ADCY3: variants seen among roughly 807,000 people sequenced by gnomAD.
The protein encoded by ADCY3 is adenylate cyclase type 3.
Under a neutral mutation model 119.4 loss-of-function variants are expected in ADCY3, and 70 were observed. That is an observed-to-expected ratio of 0.59 (90% CI 0.48 to 0.72). The LOEUF (loss-of-function observed/expected upper bound fraction) is 0.72, where lower values mean the gene tolerates loss of function less well. ADCY3 is among the 30% of genes least tolerant of loss of function. ADCY3 has a pLI of 0.00. For synonymous variants in ADCY3, 672 were observed against 621.4 expected (o/e 1.08, Z -1.21); for missense variants, 1,238 against 1,541.6 (o/e 0.80, Z 3.30).
chr2:24,828,138 C>T lies in ADCY3; in HGVS notation c.2196G>A (p.Thr732=), dbSNP rs200197892. The change falls in exon 14 of 22, where the codon ACG becomes ACA. Residue 732 remains threonine, a synonymous_variant. Transcript: ENST00000679454. ...VDMLSCLQYY[T]GPSNATAGME... ...TCCCTGCCGTTGCATTGCTGGGTCC[C>T]GTGTAGTACTGGAGACAGCTGAGCT... 144 of 1,613,960 alleles carry T rather than the reference C, an allele frequency of 8.9e-5. 1 individual carries two copies. The highest frequency in any genetic ancestry group is 7.1e-4 in the South Asian group (65 of 91,050).
intron 2 of ADCY3, among the ~76,000 whole-genome samples, chr2:24,908,610 C>T (rs888446316): frequency 6.7e-5 from 7 of 105,084 alleles, no homozygotes; most frequent in African/African-American, 4.5e-4. Flanking sequence ...TAAAGCGCCT[C>T]TATATAATTA....
chr2:24,832,551 C>T (rs887529558), intron 11 of ADCY3, among the ~76,000 whole-genome samples: 2 of 152,264 alleles, frequency 1.3e-5, no homozygotes. Flanking sequence ...TGGAAGGTGT[C>T]CTTGCCAAGA....
intron 9 of ADCY3, among the ~76,000 whole-genome samples, chr2:24,835,814 T>C (rs1449655009): frequency 6.6e-6 from 1 of 151,600 alleles, no homozygotes; most frequent in Non-Finnish European, 1.5e-5. Context: ...TACACGCCTG[T>C]AATCACAGCT....
rs182324814 is a variant in ADCY3, at chr2:24,831,904, C to G, written c.1968-155G>C. Among the ~76,000 whole-genome samples the G allele has an allele frequency of 1.5e-3, 93 of 62,606 alleles. 1 individual carries two copies. The highest frequency in any genetic ancestry group is 2.0e-3 in the Non-Finnish European group (65 of 32,592). The allele number at this position is 62,606 out of a possible 152,430, so 41.1% of individuals were successfully genotyped here. On this transcript the variant is annotated intron_variant, in intron 11 of 21. Coordinates refer to ENST00000679454, the MANE Select transcript of ADCY3 (RefSeq NM_004036.5). ...ACAGGGGCCAGGGGGCAGGGGACAG[C>G]GGACAGGGGCCAGGGGACAGCGGAC...
chr2:24,837,672 A>G lies in ADCY3; in HGVS notation c.1534-627T>C, dbSNP rs2148536981. Among the ~76,000 whole-genome samples the G allele has an allele frequency of 1.3e-5, 2 of 152,318 alleles. 1 individual carries two copies. Among genetic ancestry groups the G allele is most frequent in the South Asian group, 4.1e-4 (2 of 4,830 alleles). On this transcript the variant is annotated intron_variant, in intron 8 of 21. Coordinates refer to ENST00000679454, the MANE Select transcript of ADCY3 (RefSeq NM_004036.5). Reference sequence around the variant, plus strand: ...GAAAGGGTTTTGACATGAGATTACAAAAAATAAGACAACCTCCAGATTCAG... The same window carrying G: ...GAAAGGGTTTTGACATGAGATTACAGAAAATAAGACAACCTCCAGATTCAG...
intron 13 of ADCY3, 119 bp from the exon 14 acceptor site, chr2:24,828,280 A>T: frequency 8.0e-7 from 1 of 1,245,830 alleles, no homozygotes; most frequent in Non-Finnish European, 1.1e-6. Context: ...CCCCAGAAAT[A>T]CCGGGAAAGA....
In ADCY3 at chr2:24,918,733, T is replaced by C; in HGVS notation, c.255A>G (p.Ala85=). 6.2e-7 allele frequency: 1 copy of C among 1,614,036 alleles called. No homozygotes were observed. The highest frequency in any genetic ancestry group is 8.5e-7 in the Non-Finnish European group (1 of 1,180,018). Residue 85 remains alanine, a synonymous_variant, in exon 2 of 22, where the codon GCA becomes GCG. Coordinates refer to ENST00000679454, the MANE Select transcript of ADCY3 (RefSeq NM_004036.5). This position sits in a 1 kb window ranked among gnomAD's most constrained non-coding sequence, Gnocchi z 5.4. ...CCACCACGTAGCAGTCAAAGAGGGC[T>C]GCAAAGACCACCAGCACCAGCAGGG... ...HETLLVLVVF[A]ALFDCYVVVM... is the part of the protein sequence containing the mutation.
intron 12 of ADCY3, among the ~76,000 whole-genome samples, chr2:24,831,426 A>AGGCCCACCACGGCCCAGCCGT (rs1558417623): frequency 2.0e-5 from 3 of 152,114 alleles, no homozygotes; most frequent in South Asian, 4.1e-4. Flanking sequence ...CGGCCCAACA[A>AGGCCCACCACGGCCCAGCCGT]GGCCCACCAC....
At chr2:24,820,910 G>GC in intron 20 of ADCY3, 62 bp from the exon 21 acceptor site, 1 of 1,594,586 alleles carries the variant, frequency 6.3e-7, no homozygotes, top group Non-Finnish European at 8.6e-7. Flanking sequence ...GGCCTCAGAA[G>GC]CCATCTCCTC....
rs928359832 is a variant in ADCY3 at position 24,820,768 on chromosome 2, C to T, written c.3208G>A (p.Val1070Ile). ...HYDIWGNTVN[V>I]ASRMESTGVM... is the part of the protein sequence containing the mutation. ...CCCGTGGACTCCATCCTGCTGGCTACATTGACTGTATTGCCCCAGATGTCG... is the reference window on the plus strand; with the variant it reads ...CCCGTGGACTCCATCCTGCTGGCTATATTGACTGTATTGCCCCAGATGTCG... Residue 1070 changes from valine to isoleucine, a missense_variant, in exon 21 of 22, where the codon GTA (valine) becomes ATA (isoleucine). This residue lies in a region of ADCY3 where 43 missense variants were observed against 77.0 expected (regional missense o/e 0.56). Coordinates refer to ENST00000679454, the MANE Select transcript of ADCY3 (RefSeq NM_004036.5). The T allele has an allele frequency of 3.1e-6, 5 of 1,614,120 alleles. No homozygotes were observed. The highest frequency in any genetic ancestry group is 4.2e-6 in the Non-Finnish European group (5 of 1,180,006).
rs761512893 is a variant in ADCY3, at chr2:24,823,351, A to G, written c.2741T>C (p.Leu914Pro). ...AATCTCATCATACGTCTGGCTATAC[A>G]GCTCCTAAAAAGAGGTGCGGACAAC... is the stretch of plus-strand genomic sequence containing the variant. ...FLGSKKRDEE[L>P]YSQTYDEIGV... Residue 914 changes from leucine to proline, a missense_variant, in exon 18 of 22, where the codon CTG (leucine) becomes CCG (proline). Transcript: ENST00000679454. 6.2e-7 allele frequency: 1 copy of G among 1,611,574 alleles called. No homozygotes were observed. The highest frequency in any genetic ancestry group is 8.5e-7 in the Non-Finnish European group (1 of 1,179,330).
At chr2:24,843,068 A>G (rs1331861312) in intron 3 of ADCY3, among the ~76,000 whole-genome samples, 1 of 152,100 alleles carries the variant, frequency 6.6e-6, no homozygotes, top group East Asian at 1.9e-4. Flanking sequence ...CGCTGAGGGC[A>G]CTCCTGTTGG....
chr2:24,868,864 A>G (rs1463487357), intron 3 of ADCY3, among the ~76,000 whole-genome samples: 1 of 151,074 alleles, frequency 6.6e-6, no homozygotes, highest in Non-Finnish European at 1.5e-5. Context: ...AAAAAAAAAA[A>G]TACAAAAAAA....
chr2:24,907,264 C>G (rs1484148459), intron 2 of ADCY3, among the ~76,000 whole-genome samples: 1 of 151,912 alleles, frequency 6.6e-6, no homozygotes, highest in Non-Finnish European at 1.5e-5. Flanking sequence ...TCTTCCACTA[C>G]CAGATCTGAC....
chr2:24,839,785 T>G, intron 7 of ADCY3, 88 bp downstream of exon 7: 1 of 1,572,946 alleles, frequency 6.4e-7, no homozygotes. Context: ...TGAGGCCCCC[T>G]GTCCCTCATC....
intron 3 of ADCY3, among the ~76,000 whole-genome samples, chr2:24,867,364 T>TAAC (rs1206163300): frequency 2.0e-5 from 3 of 152,200 alleles, no homozygotes; most frequent in African/African-American, 7.2e-5. Context: ...GCTGCCAATG[T>TAAC]AATACTATTA....
chr2:24,830,643 C>T, intron 13 of ADCY3, 66 bp downstream of exon 13: 3 of 1,306,314 alleles, frequency 2.3e-6, no homozygotes, highest in East Asian at 2.3e-5. Context: ...GCTTGTGTGA[C>T]CCAAACAGAA....
intron 12 of ADCY3, among the ~76,000 whole-genome samples, chr2:24,831,391 C>T (rs1198703033): frequency 1.3e-5 from 2 of 152,300 alleles, no homozygotes; most frequent in South Asian, 2.1e-4. Flanking sequence ...CAGACTCTGC[C>T]GTACTCATAC....
chr2:24,852,436 C>T lies in ADCY3; in HGVS notation c.826-10052G>A, dbSNP rs1464159097. On this transcript the variant is annotated intron_variant, in intron 3 of 21. Coordinates refer to ENST00000679454, the MANE Select transcript of ADCY3 (RefSeq NM_004036.5). ...GGAGCGGAGGAGGAGAGTGCTGCCT[C>T]CATGGCTCCCTCCCCACCCTGTGGC... Among the ~76,000 whole-genome samples the T allele has an allele frequency of 3.3e-5, 5 of 152,184 alleles. No homozygotes were observed. In the East Asian group the frequency reaches 9.6e-4, roughly 29 times the overall value.
Sources: allele counts gnomAD v4.1 joint callset (sites outside exome capture counted in the v4.1 genomes callset), GRCh38; gene constraint gnomAD v4.1.1; regional missense constraint gnomAD v4.1.1; non-coding constraint Gnocchi (gnomAD v3.1); transcripts MANE v1.5; gene names NCBI Gene and HGNC (gene_info 2026-07-23, HGNC 2026-07-21).